The following WDR62 variants were observed in gnomAD, a reference collection of about 807,000 sequenced individuals.
The protein encoded by WDR62 is WD repeat-containing protein 62.
Under a neutral mutation model 160.6 loss-of-function variants are expected in WDR62, and 112 were observed. That is an observed-to-expected ratio of 0.70 (90% CI 0.60 to 0.82). The LOEUF is 0.82. WDR62 is among the 40% of genes least tolerant of loss of function. The probability of loss-of-function intolerance (pLI) is 0.00; values close to 1 mark genes in which losing one functional copy is unlikely to be tolerated. For missense variants in WDR62, 1,819 were observed against 1,983.8 expected (o/e 0.92, Z 1.58); for synonymous variants, 792 against 815.1 (o/e 0.97, Z 0.48).
chr19:36,093,738 A>G (rs1972780411), intron 19 of WDR62, among the ~76,000 whole-genome samples: 1 of 152,240 alleles, frequency 6.6e-6, no homozygotes, highest in Non-Finnish European at 1.5e-5. Flanking sequence ...TACCACCTAC[A>G]GGAAGCCCAG....
At chr19:36,071,834 C>A in intron 8 of WDR62, 118 bp downstream of exon 8, 2 of 1,338,768 alleles carry the variant, frequency 1.5e-6, no homozygotes, top group Non-Finnish European at 2.0e-6. Flanking sequence ...CCCATCATGA[C>A]TCTCAGCCCT....
At chr19:36,069,773 G>A (rs892478936) in intron 7 of WDR62, among the ~76,000 whole-genome samples, 14 of 152,250 alleles carry the variant, frequency 9.2e-5, no homozygotes, top group Admixed American at 3.9e-4. Context: ...CGGACCACTC[G>A]CGGTTAGGAG....
Position 36,084,656 on chromosome 19 carries a change from C to T in WDR62, c.1554C>T (p.Ile518=). ...GCGGGCGGTGTGTGTCTCCCAGGAT[C>T]CACGAGCTGCACTTCATGGACGAGC... ...ASGDRSGNLR[I]HELHFMDELV... The change falls in exon 12 of 32, where the codon ATC becomes ATT. Residue 518 remains isoleucine (I), a synonymous_variant. Transcript: ENST00000401500. 6.2e-7 allele frequency: 1 copy of T among 1,613,756 alleles called. No individual in the cohort carries two copies. The highest frequency in any genetic ancestry group is 8.5e-7 in the Non-Finnish European group (1 of 1,179,984).
chr19:36,099,513 G>A lies in WDR62; in HGVS notation c.2635G>A (p.Ala879Thr). 2.5e-6 allele frequency: 4 copies of A among 1,614,142 alleles called. No individual in the cohort carries two copies. The highest frequency in any genetic ancestry group is 1.3e-5 in the African/African-American group (1 of 75,068). The change falls in exon 22 of 32, where the codon GCC (alanine) becomes ACC (threonine). Residue 879 changes from alanine to threonine, a missense_variant. By Grantham distance (58) the Ala-to-Thr change is moderately conservative (BLOSUM62 0). This residue lies in a region of WDR62 where 934 missense variants were observed against 1,157.2 expected (regional missense o/e 0.81). Coordinates refer to ENST00000401500, the MANE Select transcript of WDR62 (RefSeq NM_001083961.2). ...GQEPLKTILD[A>T]QDLDCYFTPM... ...AGAGCCCCTCAAGACCATCCTGGAT[G>A]CCCAGGACCTGGATTGCTACTTTAC...
chr19:36,076,419 A>G (rs1216087560), intron 9 of WDR62, among the ~76,000 whole-genome samples: 1 of 152,010 alleles, frequency 6.6e-6, no homozygotes, highest in Non-Finnish European at 1.5e-5. Context: ...TTAGCCGGGC[A>G]TGGTGGCAGG....
At chr19:36,097,151 C>T (rs1295099864) in intron 21 of WDR62, 72 bp downstream of exon 21, 3 of 1,470,542 alleles carry the variant, frequency 2.0e-6, no homozygotes, top group Non-Finnish European at 2.8e-6. Context: ...CTTCTGGAAG[C>T]CCTTTTTCCT....
chr19:36,098,200 T>TG (rs1486977525), intron 21 of WDR62, among the ~76,000 whole-genome samples: 1 of 150,492 alleles, frequency 6.6e-6, no homozygotes, highest in Non-Finnish European at 1.5e-5. Flanking sequence ...GCCCAGGAGT[T>TG]GGAGGCTGCA....
downstream of WDR62, among the ~76,000 whole-genome samples, chr19:36,108,636 T>A (rs1384706656): frequency 6.6e-6 from 1 of 152,100 alleles, no homozygotes; most frequent in Non-Finnish European, 1.5e-5. Context: ...GCAGACGGTT[T>A]GAGCTCAGGA....
chr19:36,068,721 G>T (rs1201130372), intron 7 of WDR62, among the ~76,000 whole-genome samples: 1 of 152,236 alleles, frequency 6.6e-6, no homozygotes, highest in East Asian at 1.9e-4. Flanking sequence ...ATTTTTCTTA[G>T]TACAGAACAA....
At chr19:36,097,146 G>A in intron 21 of WDR62, 67 bp downstream of exon 21, 2 of 1,516,622 alleles carry the variant, frequency 1.3e-6, no homozygotes, top group Non-Finnish European at 1.8e-6. Flanking sequence ...TCTGCCTTCT[G>A]GAAGCCCTTT....
intron 8 of WDR62, among the ~76,000 whole-genome samples, chr19:36,073,122 C>T (rs112015428): frequency 2.6e-5 from 4 of 152,114 alleles, no homozygotes; most frequent in African/African-American, 7.2e-5. Context: ...AACTCAATTG[C>T]TCTCGGGGCC....
intron 9 of WDR62, among the ~76,000 whole-genome samples, chr19:36,081,129 G>GC (rs1568344695): frequency 1.3e-5 from 2 of 152,172 alleles, no homozygotes; most frequent in Non-Finnish European, 2.9e-5. Context: ...AGACTCTGTT[G>GC]CTTCTGCTGC....
chr19:36,077,275 CCTTTTT>C (rs1971625596), intron 9 of WDR62, among the ~76,000 whole-genome samples: 1 of 105,770 alleles, frequency 9.5e-6, no homozygotes, highest in Admixed American at 1.3e-4. Context: ...TTCCTTCCTT[CCTTTTT>C]TTTTTTTTTT....
intron 1 of WDR62, among the ~76,000 whole-genome samples, chr19:36,055,359 C>A (rs550766076): frequency 6.6e-6 from 1 of 152,260 alleles, no homozygotes; most frequent in South Asian, 2.1e-4. Flanking sequence ...AGCGTTGGAG[C>A]AATTCGGGGG....
At chr19:36,098,307 C>T (rs1022856542) in intron 21 of WDR62, among the ~76,000 whole-genome samples, 1 of 151,834 alleles carries the variant, frequency 6.6e-6, no homozygotes, top group African/African-American at 2.4e-5. Flanking sequence ...TGGCTCACGC[C>T]TGTAATCCCA....
chr19:36,094,109 A>C lies in WDR62; in HGVS notation c.2412A>C (p.Glu804Asp), dbSNP rs1972805399. 3 of 1,614,054 alleles carry C rather than the reference A, an allele frequency of 1.9e-6. No homozygotes were observed. The highest frequency in any genetic ancestry group is 2.5e-6 in the Non-Finnish European group (3 of 1,180,030). ...PGEQTEDDLE[E>D]ECEPEEMLKT... is the part of the protein sequence containing the mutation. ...AGCAAACAGAGGATGATCTGGAGGA[A>C]GAGTGTGAGCCAGAAGAGATGCTGA... Residue 804 changes from glutamate (E) to aspartate (D), a missense_variant, in exon 20 of 32, where the codon GAA (glutamate) becomes GAC (aspartate). Transcript: ENST00000401500.
chr19:36,110,857 C>T, the WDR62 span, among the ~76,000 whole-genome samples: 1 of 152,130 alleles, frequency 6.6e-6, no homozygotes, highest in Admixed American at 6.5e-5. Flanking sequence ...AACAGACCCT[C>T]AACCCCTGGG....
intron 8 of WDR62, among the ~76,000 whole-genome samples, chr19:36,072,172 A>G (rs182397931): frequency 3.0e-4 from 45 of 152,330 alleles, no homozygotes; most frequent in East Asian, 1.2e-3. Flanking sequence ...GATAATTTCA[A>G]TAGGCATGAG....
intron 18 of WDR62, among the ~76,000 whole-genome samples, chr19:36,092,254 T>C (rs538373407): frequency 6.8e-6 from 1 of 146,888 alleles, no homozygotes; most frequent in East Asian, 2.0e-4. Flanking sequence ...GAAGTTGCAG[T>C]GAGCTGAGAT....
Sources: allele counts gnomAD v4.1 joint callset (sites outside exome capture counted in the v4.1 genomes callset), GRCh38; gene constraint gnomAD v4.1.1; regional missense constraint gnomAD v4.1.1; transcripts MANE v1.5; gene names NCBI Gene and HGNC (gene_info 2026-07-23, HGNC 2026-07-21).